Variants in ATF7IP observed in about 807,000 individuals in gnomAD.
ATF7IP encodes activating transcription factor 7-interacting protein 1.
A neutral mutation model predicts 106.4 loss-of-function variants in ATF7IP; 23 were observed. The ratio of observed to expected loss-of-function variants is 0.22; its 90% CI spans 0.16 to 0.31. The LOEUF is 0.31. Ranked by LOEUF, ATF7IP falls within the 10% of genes least tolerant of loss-of-function variation. ATF7IP has a pLI of 1.00. For synonymous variants in ATF7IP, 542 were observed against 539.0 expected, an observed-to-expected ratio of 1.01 and a Z score of -0.08; for missense variants, 1,334 against 1,524.3, an observed-to-expected ratio of 0.88 and a Z score of 2.08.
Position 14,496,334 on chromosome 12 carries a change from A to C in ATF7IP, c.3384A>C (p.Gln1128His), listed in dbSNP as rs1208035674. ...TCACAGTGCATCACCGACCACCACA[A>C]GTGCATACTGTAAGTGTTGATGCTT... ...PQLTVHHRPP[Q>H]VHTEPPRPVH... Residue 1128 changes from glutamine (Q) to histidine (H), a missense_variant, in exon 14 of 15, where the codon CAA becomes CAC. Gln to His is a conservative substitution (Grantham distance 24). Around this residue, in one of 10 missense-constraint regions of ATF7IP, gnomAD observed 370 missense variants for 401.2 expected, o/e 0.92. Transcript: ENST00000261168. 4 of 1,611,772 alleles carry C rather than the reference A, an allele frequency of 2.5e-6. No individual in the cohort carries two copies. The highest frequency in any genetic ancestry group is 3.4e-6 in the Non-Finnish European group (4 of 1,178,082).
At chr12:14,397,485 CA>C (rs1224202914) in intron 1 of ATF7IP, among the ~76,000 whole-genome samples, 1 of 152,132 alleles carries the variant, frequency 6.6e-6, no homozygotes, top group Non-Finnish European at 1.5e-5. Context: ...TTTCTAATGA[CA>C]GAAGGGAGAG....
intron 4 of ATF7IP, 116 bp downstream of exon 4, chr12:14,436,367 A>G (rs1056865647): frequency 1.8e-6 from 2 of 1,082,798 alleles, no homozygotes. Context: ...TCATAGAAAG[A>G]AAGAACTTGA....
At chr12:14,398,316 T>C (rs552071352) in intron 1 of ATF7IP, among the ~76,000 whole-genome samples, 1 of 152,132 alleles carries the variant, frequency 6.6e-6, no homozygotes, top group South Asian at 2.1e-4. Context: ...TCATTTTAGC[T>C]GATTTCCCTA....
chr12:14,413,714 ATAT>A (rs1469757510), intron 1 of ATF7IP, among the ~76,000 whole-genome samples: 21 of 152,216 alleles, frequency 1.4e-4, no homozygotes, highest in Non-Finnish European at 2.8e-4. Flanking sequence ...TGACTCACAT[ATAT>A]TATTCCTCGA....
chr12:14,407,474 C>A (rs181220116), intron 1 of ATF7IP, among the ~76,000 whole-genome samples: 37 of 151,290 alleles, frequency 2.4e-4, no homozygotes, highest in Non-Finnish European at 4.7e-4. Context: ...TTATATTAGA[C>A]TATACATTGT....
chr12:14,395,519 C>A (rs991482302), intron 1 of ATF7IP, among the ~76,000 whole-genome samples: 2 of 152,104 alleles, frequency 1.3e-5, no homozygotes, highest in Non-Finnish European at 2.9e-5. Context: ...ATTACTCATG[C>A]ATACAATATG....
chr12:14,462,172 T>C (rs1208133182), intron 9 of ATF7IP, among the ~76,000 whole-genome samples: 1 of 152,126 alleles, frequency 6.6e-6, no homozygotes, highest in Admixed American at 6.5e-5. Flanking sequence ...ATGTTTTATA[T>C]GAAAGTGTAA....
intron 13 of ATF7IP, among the ~76,000 whole-genome samples, chr12:14,484,781 C>T (rs946709266): frequency 4.6e-5 from 7 of 152,138 alleles, no homozygotes; most frequent in Non-Finnish European, 7.4e-5. Flanking sequence ...CTTGTGCCTT[C>T]GGAACCTGCT....
chr12:14,432,152 C>T (rs1347367083), intron 2 of ATF7IP, among the ~76,000 whole-genome samples: 2 of 152,182 alleles, frequency 1.3e-5, no homozygotes, highest in Non-Finnish European at 2.9e-5. Flanking sequence ...CCAGTTTATT[C>T]TGCTGTGTTC....
At chr12:14,389,821 T>G (rs924196818) in intron 1 of ATF7IP, among the ~76,000 whole-genome samples, 2 of 152,132 alleles carry the variant, frequency 1.3e-5, no homozygotes, top group African/African-American at 4.8e-5. Flanking sequence ...GAGACTGGGT[T>G]TCTCCATGTT....
At chr12:14,397,652 C>T (rs927850957) in intron 1 of ATF7IP, among the ~76,000 whole-genome samples, 3 of 152,112 alleles carry the variant, frequency 2.0e-5, no homozygotes, top group Non-Finnish European at 4.4e-5. Flanking sequence ...TCTTGTATCT[C>T]TTTTACATGA....
chr12:14,413,470 A>G (rs770293627), intron 1 of ATF7IP, among the ~76,000 whole-genome samples: 1 of 152,176 alleles, frequency 6.6e-6, no homozygotes, highest in Non-Finnish European at 1.5e-5. Context: ...TGAACATTCT[A>G]TTAAAATGGT....
intron 12 of ATF7IP, among the ~76,000 whole-genome samples, chr12:14,480,325 A>G (rs895740219): frequency 2.6e-5 from 4 of 152,206 alleles, no homozygotes; most frequent in African/African-American, 9.6e-5. Flanking sequence ...GTGAATGTTT[A>G]TGACTCATTT....
At chr12:14,385,558 C>T (rs1202133595) in intron 1 of ATF7IP, among the ~76,000 whole-genome samples, 1 of 151,938 alleles carries the variant, frequency 6.6e-6, no homozygotes, top group Non-Finnish European at 1.5e-5. Flanking sequence ...GGAAACAGTA[C>T]ATAGCATGGT....
intron 2 of ATF7IP, among the ~76,000 whole-genome samples, chr12:14,429,412 T>C (rs1942018418): frequency 6.6e-6 from 1 of 152,184 alleles, no homozygotes; most frequent in African/African-American, 2.4e-5. Context: ...CGTGCTTTTT[T>C]TTCTTAAACA....
At chr12:14,474,589 T>C (rs1591943001) in intron 10 of ATF7IP, among the ~76,000 whole-genome samples, 1 of 151,990 alleles carries the variant, frequency 6.6e-6, no homozygotes, top group Non-Finnish European at 1.5e-5. Flanking sequence ...TTAGTAGAGA[T>C]GGGGTTTCAC....
chr12:14,425,180 A>G lies in ATF7IP; in HGVS notation c.1265A>G (p.Asn422Ser). The G allele has an allele frequency of 2.5e-6, 4 of 1,596,070 alleles. No individual in the cohort carries two copies. The highest frequency in any genetic ancestry group is 2.2e-5 in the East Asian group (1 of 44,792). ...GTTATTGAAGATAACAAAAGTGAGA[A>G]TATCTTAGAAAATACAGACTCTATG... ...ENVIEDNKSE[N>S]ILENTDSMET... The change falls in exon 2 of 15, where the codon AAT becomes AGT. Residue 422 changes from asparagine to serine, a missense_variant. By Grantham distance (46) the Asn-to-Ser change is conservative. Coordinates refer to ENST00000261168, the MANE Select transcript of ATF7IP (RefSeq NM_018179.5).
chr12:14,482,844 T>C (rs1381037247), intron 13 of ATF7IP, among the ~76,000 whole-genome samples: 1 of 152,138 alleles, frequency 6.6e-6, no homozygotes, highest in Non-Finnish European at 1.5e-5. Flanking sequence ...AATAAGGCCA[T>C]AATTAAACCT....
At position 14,424,906 on chromosome 12, in the gene ATF7IP, A is replaced by T. The variant is rs749674382; in HGVS notation, c.991A>T (p.Ser331Cys). Residue 331 changes from serine to cysteine, a missense_variant, in exon 2 of 15, where the codon AGT becomes TGT. Around this residue, in one of 10 missense-constraint regions of ATF7IP, gnomAD observed 438 missense variants for 405.3 expected, o/e 1.08. Transcript: ENST00000261168. ...TGATGAAAAATTAGAGCAAATTCAG[A>T]GTAAAGACTCATTGGATGAGAAAAA... is the stretch of plus-strand genomic sequence containing the variant. ...GADEKLEQIQ[S>C]KDSLDEKNKA... 1.2e-6 allele frequency: 2 copies of T among 1,608,218 alleles called. No individual in the cohort carries two copies. The highest frequency in any genetic ancestry group is 2.7e-5 in the African/African-American group (2 of 74,452).
Sources: gnomAD v4.1 joint callset for allele counts (sites outside exome capture counted in the v4.1 genomes callset) on GRCh38, gnomAD v4.1.1 for gene constraint, gnomAD v4.1.1 regional missense constraint, MANE v1.5 for transcripts, NCBI Gene and HGNC (gene_info 2026-07-23, HGNC 2026-07-21) for gene names.